Variants in ARHGAP6 observed in about 807,000 individuals in gnomAD.
ARHGAP6 encodes Rho GTPase activating protein 6.
A neutral mutation model predicts 55.7 loss-of-function variants in ARHGAP6; 16 were observed. The observed-to-expected ratio is 0.29, with a 90% CI of 0.19 to 0.44. The LOEUF is 0.44. Among genes scored for constraint, ARHGAP6 ranks in the 20% least tolerant of loss-of-function variants. The pLI, the probability that ARHGAP6 is intolerant of heterozygous loss-of-function variation, is 1.00. For missense variants in ARHGAP6, 698 were observed against 808.9 expected (o/e 0.86, Z 1.66); for synonymous variants, 382 against 360.9 (o/e 1.06, Z -0.66).
At chrX:11,544,524 T>C (rs1337413963) in intron 1 of ARHGAP6, among the ~76,000 whole-genome samples, 1 of 112,292 alleles carries the variant, frequency 8.9e-6, no homozygotes, top group Non-Finnish European at 1.9e-5. Flanking sequence ...ACCACTTCAG[T>C]TTTGAGGTTG....
At chrX:11,228,692 T>C (rs1362017256) in intron 2 of ARHGAP6, among the ~76,000 whole-genome samples, 2 of 112,570 alleles carry the variant, frequency 1.8e-5, no homozygotes, top group Non-Finnish European at 3.8e-5. Context: ...TGTAGAAATG[T>C]ATATTGCAAT....
In ARHGAP6 at chrX:11,490,734, A is replaced by G. The variant is rs1396773080; in HGVS notation, c.588+173507T>C. Among the ~76,000 whole-genome samples, 8 of 112,139 alleles carry G rather than the reference A, an allele frequency of 7.1e-5. No homozygotes were observed. The Admixed American group carries it at 7.6e-4, about 11-fold the overall frequency. ...CAGTTTTTGGAAATCCCAAGCCTAG[A>G]AATGCCTCAATTATTACCAGCTTTA... On this transcript the variant is annotated intron_variant, in intron 1 of 12. Transcript: ENST00000337414.
At chrX:11,287,965 G>A (rs1443232062) in intron 1 of ARHGAP6, among the ~76,000 whole-genome samples, 1 of 112,209 alleles carries the variant, frequency 8.9e-6, no homozygotes, top group Non-Finnish European at 1.9e-5. Flanking sequence ...TAACACACTG[G>A]GCCACTTCCA....
At chrX:11,148,764 C>T (rs374255400) in intron 10 of ARHGAP6, 200 of 352,740 alleles carry the variant, frequency 5.7e-4, no homozygotes, top group Admixed American at 1.2e-3. Flanking sequence ...GGATGGGGCC[C>T]GCCCAGCACC....
intron 1 of ARHGAP6, among the ~76,000 whole-genome samples, chrX:11,646,116 G>A (rs982290695): frequency 9.0e-6 from 1 of 111,367 alleles, no homozygotes; most frequent in Non-Finnish European, 1.9e-5. Context: ...GCAGGAAAGA[G>A]AAAAGCGAAG....
intron 1 of ARHGAP6, among the ~76,000 whole-genome samples, chrX:11,429,105 G>A (rs2049918140): frequency 8.9e-6 from 1 of 112,502 alleles, no homozygotes; most frequent in Non-Finnish European, 1.9e-5. Flanking sequence ...TGTAGTCTGT[G>A]CACATGATGG....
chrX:11,140,705 T>C (rs1031764953), intron 12 of ARHGAP6, among the ~76,000 whole-genome samples: 3 of 111,248 alleles, frequency 2.7e-5, no homozygotes, highest in African/African-American at 9.8e-5. Context: ...AGAAATCCAG[T>C]TGTAATAGGT....
intron 1 of ARHGAP6, among the ~76,000 whole-genome samples, chrX:11,442,213 A>G (rs1472068138): frequency 9.1e-6 from 1 of 109,329 alleles, no homozygotes; most frequent in Non-Finnish European, 1.9e-5. Context: ...ATAACTCCCC[A>G]CCGGCATCAA....
At chrX:11,540,474 G>C (rs149545724) in intron 1 of ARHGAP6, among the ~76,000 whole-genome samples, 108 of 110,703 alleles carry the variant, frequency 9.8e-4, no homozygotes, top group Non-Finnish European at 1.9e-3. Flanking sequence ...TCACCTTTGG[G>C]GTAGAGAGCA....
At chrX:11,385,870 TA>T (rs1002144519) in intron 1 of ARHGAP6, among the ~76,000 whole-genome samples, 28 of 112,265 alleles carry the variant, frequency 2.5e-4, no homozygotes, top group African/African-American at 8.1e-4. Flanking sequence ...CTTAAAGGCT[TA>T]AAAAAGGTGT....
chrX:11,649,931 T>C lies in ARHGAP6; in HGVS notation c.588+14310A>G, dbSNP rs1189488556. ...TGCATAGAAACATTTAATTAATTAATTGGAAGGAATCTTTGCAAATATATT... is the reference window on the plus strand; with the variant it reads ...TGCATAGAAACATTTAATTAATTAACTGGAAGGAATCTTTGCAAATATATT... On this transcript the variant is annotated intron_variant, in intron 1 of 12. Transcript: ENST00000337414. 5.4e-5 allele frequency among the ~76,000 whole-genome samples: 6 copies of C among 110,841 alleles called. No homozygotes were observed. In the Admixed American group the frequency reaches 5.8e-4, roughly 11 times the overall value.
At chrX:11,148,526 G>C (rs773133348) in intron 10 of ARHGAP6, 19 of 239,058 alleles carry the variant, frequency 7.9e-5, no homozygotes, top group African/African-American at 3.2e-4. Flanking sequence ...GGGTTTCCCC[G>C]TTAGACCCCC....
intron 1 of ARHGAP6, among the ~76,000 whole-genome samples, chrX:11,415,973 T>C (rs5978435): frequency 0.2 from 22,186 of 111,185 alleles, 1,737 homozygotes; most frequent in Middle Eastern, 0.34. Flanking sequence ...AGCATTAGTG[T>C]GGTGATAGCT....
intron 1 of ARHGAP6, among the ~76,000 whole-genome samples, chrX:11,328,987 ACAAT>A (rs1473087866): frequency 8.9e-6 from 1 of 112,371 alleles, no homozygotes; most frequent in Non-Finnish European, 1.9e-5. Context: ...TCTGCAAAAG[ACAAT>A]CAATGTAATA....
chrX:11,348,063 T>C (rs1310684986), intron 1 of ARHGAP6, among the ~76,000 whole-genome samples: 1 of 112,349 alleles, frequency 8.9e-6, no homozygotes, highest in Non-Finnish European at 1.9e-5. Flanking sequence ...TTGTATCTCA[T>C]CTGATGCTTC....
In ARHGAP6 at chrX:11,139,340, C is replaced by G. The variant is rs760665247; in HGVS notation, c.2448G>C (p.Ser816=). 3.4e-6 allele frequency: 4 copies of G among 1,178,030 alleles called. No individual in the cohort carries two copies. Among genetic ancestry groups the G allele is most frequent in the East Asian group, 3.2e-5 (1 of 31,734 alleles). ...GGACGTGGGGCGTGCTGCAGGCGCG[C>G]GACACCGCAGGGTGGGCCCTGCCCT... ...ATEGRAHPAV[S]RACSTPHVQV... is the part of the protein sequence containing the mutation. Residue 816 remains serine (S), a synonymous_variant, in exon 13 of 13, where the codon TCG becomes TCC. Coordinates refer to ENST00000337414, the MANE Select transcript of ARHGAP6 (RefSeq NM_013427.3).
At chrX:11,246,851 G>C (rs2047360842) in intron 2 of ARHGAP6, among the ~76,000 whole-genome samples, 1 of 112,067 alleles carries the variant, frequency 8.9e-6, no homozygotes, top group Non-Finnish European at 1.9e-5. Context: ...TTACACAAAA[G>C]GCTTTGGCAG....
At chrX:11,535,918 TTGTTAA>T (rs1261577537) in intron 1 of ARHGAP6, among the ~76,000 whole-genome samples, 4 of 112,709 alleles carry the variant, frequency 3.5e-5, no homozygotes, top group African/African-American at 1.3e-4. Flanking sequence ...CTTCATATTT[TTGTTAA>T]TGTTTATGTT....
intron 12 of ARHGAP6, among the ~76,000 whole-genome samples, chrX:11,141,469 G>C (rs1336192756): frequency 8.9e-6 from 1 of 112,291 alleles, no homozygotes; most frequent in Admixed American, 9.4e-5. Context: ...TACATAAATA[G>C]GAAATGATAT....
Sources: allele counts gnomAD v4.1 joint callset (sites outside exome capture counted in the v4.1 genomes callset), GRCh38; gene constraint gnomAD v4.1.1; transcripts MANE v1.5; gene names NCBI Gene and HGNC (gene_info 2026-07-23, HGNC 2026-07-21).